The following MTHFD1L variants were observed in gnomAD, a reference collection of about 807,000 sequenced individuals.
MTHFD1L encodes the protein monofunctional C1-tetrahydrofolate synthase, mitochondrial.
Under a neutral mutation model 119.5 loss-of-function variants are expected in MTHFD1L, and 81 were observed. That is an observed-to-expected ratio of 0.68 (90% confidence interval 0.57 to 0.82). The LOEUF (loss-of-function observed/expected upper bound fraction) is 0.82. Ranked by LOEUF, MTHFD1L falls within the 40% of genes least tolerant of loss-of-function variation. The probability of loss-of-function intolerance (pLI) is 0.00; values close to 1 mark genes in which losing one functional copy is unlikely to be tolerated. For synonymous variants in MTHFD1L, 430 were observed against 475.2 expected, an observed-to-expected ratio of 0.90 and a Z score of 1.24; for missense variants, 1,125 against 1,253.4, an observed-to-expected ratio of 0.90 and a Z score of 1.55.
intron 24 of MTHFD1L, among the ~76,000 whole-genome samples, chr6:151,027,786 G>T (rs1784789418): frequency 1.3e-5 from 2 of 152,138 alleles, no homozygotes; most frequent in Admixed American, 6.5e-5. Context: ...AAACCCAAAA[G>T]ATTATTTCCT....
chr6:150,874,747 AAGAG>A (rs1291372660), intron 1 of MTHFD1L, among the ~76,000 whole-genome samples: 1 of 151,452 alleles, frequency 6.6e-6, no homozygotes, highest in Non-Finnish European at 1.5e-5. Flanking sequence ...AGGTTCCATA[AAGAG>A]CTGAGCTCCT....
intron 19 of MTHFD1L, 84 bp downstream of exon 19, chr6:150,965,121 G>A: frequency 8.4e-7 from 1 of 1,192,618 alleles, no homozygotes; most frequent in South Asian, 1.2e-5. Flanking sequence ...TATGAGGCAG[G>A]CATAGAGCAT....
chr6:150,922,646 C>CTTTTTTTTTTTTTTTTTTTTT, intron 10 of MTHFD1L, among the ~76,000 whole-genome samples: 1 of 100,432 alleles, frequency 1.0e-5, no homozygotes, highest in Non-Finnish European at 1.9e-5. Flanking sequence ...CCCCCCCCAC[C>CTTTTTTTTTTTTTTTTTTTTT]CTTTTTTTTT....
intron 9 of MTHFD1L, 68 bp downstream of exon 9, chr6:150,918,736 C>A: frequency 2.3e-6 from 3 of 1,322,540 alleles, no homozygotes; most frequent in Non-Finnish European, 3.3e-6. Context: ...TAACATTTTG[C>A]AAGTGGTTTC....
At chr6:150,923,956 A>G (rs1789497093) in intron 10 of MTHFD1L, among the ~76,000 whole-genome samples, 1 of 152,180 alleles carries the variant, frequency 6.6e-6, no homozygotes, top group Non-Finnish European at 1.5e-5. Context: ...AAGACCTTAG[A>G]TTTTAAAAGT....
chr6:150,867,437 C>T (rs997536984), intron 1 of MTHFD1L, among the ~76,000 whole-genome samples: 14 of 152,204 alleles, frequency 9.2e-5, no homozygotes, highest in Non-Finnish European at 1.8e-4. Context: ...AGCCATCATC[C>T]CTGCCCCCAA....
chr6:151,084,738 G>A (rs932471228), intron 26 of MTHFD1L, among the ~76,000 whole-genome samples: 2 of 151,900 alleles, frequency 1.3e-5, no homozygotes, highest in Non-Finnish European at 2.9e-5. Flanking sequence ...GGCCGAGGCG[G>A]GCAGATCACG....
chr6:150,939,154 CT>C (rs139311094), intron 13 of MTHFD1L: 2,092 of 202,594 alleles, frequency 0.01, 40 homozygotes, highest in African/African-American at 0.045. Flanking sequence ...CTGTGCCTCC[CT>C]TGATCATCTG....
chr6:150,956,124 T>G, intron 17 of MTHFD1L, 53 bp downstream of exon 17: 1 of 1,544,036 alleles, frequency 6.5e-7, no homozygotes. Flanking sequence ...TCATTTCTAC[T>G]GGCCTGGGAG....
chr6:150,930,028 G>C (rs1583617476), intron 11 of MTHFD1L, among the ~76,000 whole-genome samples: 1 of 152,274 alleles, frequency 6.6e-6, no homozygotes, highest in East Asian at 1.9e-4. Flanking sequence ...ATATTTTTTA[G>C]GGCTGTAAAC....
At chr6:151,085,355 T>C (rs1345515585) in intron 26 of MTHFD1L, among the ~76,000 whole-genome samples, 1 of 152,218 alleles carries the variant, frequency 6.6e-6, no homozygotes, top group Non-Finnish European at 1.5e-5. Flanking sequence ...TCTGTAGTAC[T>C]GTCACAATAT....
intron 20 of MTHFD1L, chr6:150,985,030 T>C (rs1778069949): frequency 6.6e-6 from 1 of 152,182 alleles, no homozygotes; most frequent in African/African-American, 2.4e-5. Context: ...CTCCAATACC[T>C]ACCTCCAGGC....
At chr6:150,979,349 GTGGTCCTTTT>G (rs1281588414) in intron 20 of MTHFD1L, among the ~76,000 whole-genome samples, 1 of 152,156 alleles carries the variant, frequency 6.6e-6, no homozygotes, top group Non-Finnish European at 1.5e-5. Context: ...GCCAACAGTG[GTGGTCCTTTT>G]TGGTCCTTTT....
rs748612315 is a variant in MTHFD1L at position 150,956,079 on chromosome 6, G to A, written c.1803+8G>A. 4 of 1,612,372 alleles carry A rather than the reference G, an allele frequency of 2.5e-6. No homozygotes were observed. Among genetic ancestry groups the A allele is most frequent in the Admixed American group, 1.7e-5 (1 of 60,016 alleles). ...AAGGGCCATTACCGGCAGGTAGGTG[G>A]TGCTTTCTTCCCGGGTGTGGCTCTG... On this transcript the variant is annotated splice_region_variant and intron_variant, in intron 17 of 27. Coordinates refer to ENST00000367321, the MANE Select transcript of MTHFD1L (RefSeq NM_015440.5).
chr6:150,887,222 A>G (rs1333704806), intron 6 of MTHFD1L, among the ~76,000 whole-genome samples: 1 of 152,314 alleles, frequency 6.6e-6, no homozygotes, highest in South Asian at 2.1e-4. Context: ...CCATATATAC[A>G]GTGCTTTTTC....
Position 150,929,427 on chromosome 6 carries a change from G to A in MTHFD1L, c.1256+3132G>A, listed in dbSNP as rs975736285. ...ATCCTGCAGCAGATTTTCTTATCCAGTCCTTGTGCTTTACTCCATTTTGGG... is the reference window on the plus strand; with the variant it reads ...ATCCTGCAGCAGATTTTCTTATCCAATCCTTGTGCTTTACTCCATTTTGGG... On this transcript the variant is annotated intron_variant, in intron 11 of 27. Transcript: ENST00000367321. 3.9e-5 allele frequency among the ~76,000 whole-genome samples: 6 copies of A among 152,286 alleles called. No homozygotes were observed. The East Asian group carries it at 5.8e-4, about 15-fold the overall frequency.
At chr6:151,004,008 TAAAAAAA>T (rs397886081) in intron 20 of MTHFD1L, among the ~76,000 whole-genome samples, 5 of 126,052 alleles carry the variant, frequency 4.0e-5, no homozygotes, top group Admixed American at 1.6e-4. Context: ...TGCTTTTTTT[TAAAAAAA>T]AAAAAAAAAA....
At chr6:151,051,565 G>A (rs1789039226) in intron 26 of MTHFD1L, among the ~76,000 whole-genome samples, 1 of 152,144 alleles carries the variant, frequency 6.6e-6, no homozygotes, top group Non-Finnish European at 1.5e-5. Context: ...TTTCTTTTCA[G>A]TAGGTCAGTC....
chr6:150,923,844 A>G (rs1193549633), intron 10 of MTHFD1L, among the ~76,000 whole-genome samples: 3 of 152,018 alleles, frequency 2.0e-5, no homozygotes, highest in Non-Finnish European at 4.4e-5. Flanking sequence ...TTCATTAATT[A>G]TATAAGTTGC....
Sources: allele counts gnomAD v4.1 joint callset (sites outside exome capture counted in the v4.1 genomes callset), GRCh38; gene constraint gnomAD v4.1.1; transcripts MANE v1.5; gene names NCBI Gene and HGNC (gene_info 2026-07-23, HGNC 2026-07-21).